RNF181: variants seen among roughly 807,000 people sequenced by gnomAD.
RNF181 encodes E3 ubiquitin-protein ligase RNF181.
RNF181 carries 25 observed loss-of-function variants against 23.3 expected under a neutral mutation model. The observed-to-expected ratio is 1.07, with a 90% confidence interval of 0.78 to 1.50. The LOEUF (loss-of-function observed/expected upper bound fraction) is 1.50. Ranked by LOEUF, RNF181 falls within the 40% of genes most tolerant of loss-of-function variation. RNF181 has a pLI of 0.00. For synonymous variants in RNF181, 62 were observed against 70.9 expected, an observed-to-expected ratio of 0.87 and a Z score of 0.63; for missense variants, 167 against 191.1, an observed-to-expected ratio of 0.87 and a Z score of 0.74.
Position 85,597,111 on chromosome 2 carries a change from C to T in RNF181, c.335C>T (p.Ser112Phe), listed in dbSNP as rs1267062415. ...CTACTCTACTTTTCTCAGACAAATT[C>T]CTGTCCCTTGTGCCGCTATGAGCTG... Reference protein sequence around the residue: ...CILPWLSKTNSCPLCRYELPT... With the variant: ...CILPWLSKTNFCPLCRYELPT... Residue 112 changes from serine to phenylalanine, a missense_variant, in exon 4 of 5, where the codon TCC (serine) becomes TTC (phenylalanine). Transcript: ENST00000306368. 1.2e-6 allele frequency: 2 copies of T among 1,614,026 alleles called. No homozygotes were observed. Among genetic ancestry groups the T allele is most frequent in the African/African-American group, 1.3e-5 (1 of 74,918 alleles).
At position 85,595,832 on chromosome 2, in the gene RNF181, G is replaced by C; in HGVS notation, c.69G>C (p.Met23Ile). 6.2e-7 allele frequency: 1 copy of C among 1,614,018 alleles called. No homozygotes were observed. Among genetic ancestry groups the C allele is most frequent in the South Asian group, 1.1e-5 (1 of 91,056 alleles). The change falls in exon 1 of 5, where the codon ATG (methionine) becomes ATC (isoleucine). Residue 23 changes from methionine to isoleucine, a missense_variant. Met to Ile is a conservative substitution (Grantham distance 10). Transcript: ENST00000306368. Reference sequence around the variant, plus strand: ...CTGAGCAGGAGACGCGAACCAACATGCTGCTGGAGCTCGCAAGGTGGGTGC... The same window carrying C: ...CTGAGCAGGAGACGCGAACCAACATCCTGCTGGAGCTCGCAAGGTGGGTGC... ...SDPEQETRTN[M>I]LLELARSLFN...
chr2:85,596,633 C>T lies in RNF181; in HGVS notation c.201C>T (p.Ile67=). Residue 67 remains isoleucine (I), a synonymous_variant, in exon 2 of 5, where the codon ATC becomes ATT. Transcript: ENST00000306368. ...TTGAGAACCTCCCCAGGACAGTCAT[C>T]AGAGGCTCTCAGGCTGGTGAGGACA... ...TVVENLPRTV[I]RGSQAELKCP... is the part of the protein sequence containing the mutation. The T allele has an allele frequency of 1.2e-6, 2 of 1,613,858 alleles. No individual in the cohort carries two copies. The highest frequency in any genetic ancestry group is 2.7e-5 in the African/African-American group (2 of 75,042).
Position 85,595,756 on chromosome 2 carries a change from G to A in RNF181, c.-8G>A. ...GGTCCGAGGGCTGTGTCAGAAGGCT[G>A]GGCAGCCATGGCGTCCTATTTCGAT... is the stretch of plus-strand genomic sequence containing the variant. On this transcript the variant is annotated 5_prime_UTR_variant, in exon 1 of 5. Coordinates refer to ENST00000306368, the MANE Select transcript of RNF181 (RefSeq NM_016494.4). 1.2e-6 allele frequency: 2 copies of A among 1,613,100 alleles called. No individual in the cohort carries two copies. Among genetic ancestry groups the A allele is most frequent in the Non-Finnish European group, 1.7e-6 (2 of 1,179,540 alleles).
intron 2 of RNF181, 80 bp from the exon 3 acceptor site, chr2:85,596,742 G>A (rs1301077008): frequency 1.2e-6 from 2 of 1,609,996 alleles, no homozygotes; most frequent in South Asian, 1.1e-5. Context: ...CAGGTCAGGT[G>A]GGGGCAAGTG....
At chr2:85,596,961 G>C (rs2232748) in intron 3 of RNF181, 30 bp downstream of exon 3, 598,570 of 1,613,578 alleles carry the variant, frequency 0.37, 117,874 homozygotes, top group African/African-American at 0.76. Flanking sequence ...AGCTCTCACC[G>C]TGCCCTGGGC....
chr2:85,597,489 A>C lies in RNF181; in HGVS notation c.447A>C (p.Gly149=). ...AACACCGACTGGAGAACCTCCATGG[A>C]GCCATGTACACGTGAGGAGGTTGGG... The part of the protein sequence containing the change: ...QQQHRLENLH[G]AMYT Residue 149 remains glycine, a synonymous_variant, in exon 5 of 5, where the codon GGA becomes GGC. Coordinates refer to ENST00000306368, the MANE Select transcript of RNF181 (RefSeq NM_016494.4). The C allele has an allele frequency of 6.2e-6, 10 of 1,613,282 alleles. No individual in the cohort carries two copies. Among genetic ancestry groups the C allele is most frequent in the Non-Finnish European group, 8.5e-6 (10 of 1,179,744 alleles).
In RNF181 at chr2:85,597,241, A is replaced by G. The variant is rs372873806; in HGVS notation, c.402+63A>G. ...CTCCCTGAGTCCTGTCCCCGCTGCC[A>G]TCACTTCCCACCTCAGCAGGACTGG... On this transcript the variant is annotated intron_variant, in intron 4 of 4. Transcript: ENST00000306368. The G allele has an allele frequency of 2.5e-4, 367 of 1,465,550 alleles. No individual in the cohort carries two copies. The African/African-American group carries it at 4.7e-3, about 19-fold the overall frequency. 90.8% of individuals were successfully genotyped at this position (1,465,550 alleles called of 1,614,324 possible).
At chr2:85,596,435 C>T in intron 1 of RNF181, 84 bp from the exon 2 acceptor site, 2 of 1,386,624 alleles carry the variant, frequency 1.4e-6, no homozygotes, top group Non-Finnish European at 2.0e-6. Context: ...AGCTGGGCAG[C>T]GTGTTTATTA....
At chr2:85,597,400 G>GGTGAAGGCCAAA in intron 4 of RNF181, 45 bp from the exon 5 acceptor site, 1 of 1,578,594 alleles carries the variant, frequency 6.3e-7, no homozygotes. Context: ...CTCACCCATA[G>GGTGAAGGCCAAA]GCCTTCAGTT....
intron 1 of RNF181, among the ~76,000 whole-genome samples, chr2:85,596,170 G>T (rs1672668923): frequency 6.6e-6 from 1 of 152,070 alleles, no homozygotes; most frequent in African/African-American, 2.4e-5. Flanking sequence ...CGTGTGCTGT[G>T]AGTGGGTATA....
intron 3 of RNF181, 25 bp from the exon 4 acceptor site, chr2:85,597,079 T>C (rs1488078462): frequency 6.2e-7 from 1 of 1,614,050 alleles, no homozygotes; most frequent in African/African-American, 1.3e-5. Flanking sequence ...AGACCAAGGC[T>C]AGAACACTAC....
intron 2 of RNF181, 39 bp downstream of exon 2, chr2:85,596,688 C>T (rs754417323): frequency 6.2e-7 from 1 of 1,613,800 alleles, no homozygotes; most frequent in South Asian, 1.1e-5. Flanking sequence ...GGGCCAGACC[C>T]ACCCCTTCCC....
In RNF181 at chr2:85,597,683, G is replaced by A; in HGVS notation, c.*179G>A. ...TGATCCTAAATCGCAGAAGGCACCA[G>A]GCTGCGGTTTTCCTCCCTGCTGGCC... is the stretch of plus-strand genomic sequence containing the variant. On this transcript the variant is annotated 3_prime_UTR_variant, in exon 5 of 5. Transcript: ENST00000306368. The A allele has an allele frequency of 7.8e-7, 1 of 1,275,450 alleles. No individual in the cohort carries two copies. The highest frequency in any genetic ancestry group is 1.0e-6 in the Non-Finnish European group (1 of 962,818). The allele number at this position is 1,275,450 out of a possible 1,614,324, so 79.0% of individuals were successfully genotyped here.
Position 85,597,443 on chromosome 2 carries a change from A to G in RNF181, c.403-2A>G, listed in dbSNP as rs755439342. ...CTGCCCAGCATGCCTTCTTTCCTTC[A>G]GGCTCGAAAACAGCAGCAGCAACAC... On this transcript the variant is annotated splice_acceptor_variant, in intron 4 of 4. Coordinates refer to ENST00000306368, the MANE Select transcript of RNF181 (RefSeq NM_016494.4). LOFTEE classifies it high-confidence loss of function. 6.2e-7 allele frequency: 1 copy of G among 1,607,374 alleles called. No individual in the cohort carries two copies. Among genetic ancestry groups the G allele is most frequent in the South Asian group, 1.1e-5 (1 of 90,214 alleles).
Sources: gnomAD v4.1 joint callset for allele counts (sites outside exome capture counted in the v4.1 genomes callset) on GRCh38, gnomAD v4.1.1 for gene constraint, MANE v1.5 for transcripts, NCBI Gene and HGNC (gene_info 2026-07-23, HGNC 2026-07-21) for gene names.